ZNF558: variants seen among roughly 807,000 people sequenced by gnomAD.
The protein encoded by ZNF558 is zinc finger protein 558.
Under a neutral mutation model 37.6 loss-of-function variants are expected in ZNF558, and 23 were observed. That is an observed-to-expected ratio of 0.61 (90% CI 0.44 to 0.87). The LOEUF (loss-of-function observed/expected upper bound fraction) is 0.87. ZNF558 is among the 40% of genes least tolerant of loss of function. The pLI is 0.00. For missense variants in ZNF558, 429 were observed against 483.7 expected (o/e 0.89, Z 1.06); for synonymous variants, 189 against 174.4 (o/e 1.08, Z -0.66).
rs2043718838 is a variant in ZNF558 at position 8,808,221 on chromosome 19, T to C, written c.*3060A>G. On this transcript the variant is annotated 3_prime_UTR_variant, in exon 10 of 10. Coordinates refer to ENST00000601372, the MANE Select transcript of ZNF558 (RefSeq NM_144693.3). ...TACTCAGGAGGCTGAGGCAGGAGAA[T>C]TGCTGGAACCTGGGAGGCCAAGGTT... is the stretch of plus-strand genomic sequence containing the variant. 6.6e-6 allele frequency: 1 copy of C among 152,098 alleles called. No individual in the cohort carries two copies. Among genetic ancestry groups the C allele is most frequent in the African/African-American group, 2.4e-5 (1 of 41,402 alleles). The allele number at this position is 152,098 out of a possible 1,614,324, so 9.4% of individuals were successfully genotyped here.
In ZNF558 at chr19:8,810,969, T is replaced by G; in HGVS notation, c.*312A>C. ...ACAACCAACATCAACTTTCCAGGCATGTGAATAAGTCATCTTGGAAGTGGA... is the reference window on the plus strand; with the variant it reads ...ACAACCAACATCAACTTTCCAGGCAGGTGAATAAGTCATCTTGGAAGTGGA... On this transcript the variant is annotated 3_prime_UTR_variant, in exon 10 of 10. Transcript: ENST00000601372. 4.4e-6 allele frequency: 1 copy of G among 225,314 alleles called. No individual in the cohort carries two copies. Among genetic ancestry groups the G allele is most frequent in the Non-Finnish European group, 8.7e-6 (1 of 114,554 alleles). 14.0% of individuals were successfully genotyped at this position (225,314 alleles called of 1,614,324 possible).
chr19:8,827,819 C>T (rs1260272840), intron 2 of ZNF558, among the ~76,000 whole-genome samples: 1 of 152,022 alleles, frequency 6.6e-6, no homozygotes. Flanking sequence ...GGTGATCAGC[C>T]CACCTTGGTC....
At chr19:8,817,842 A>G (rs1239044344) in intron 7 of ZNF558, among the ~76,000 whole-genome samples, 1 of 152,238 alleles carries the variant, frequency 6.6e-6, no homozygotes, top group African/African-American at 2.4e-5. Context: ...TATGAAGTAA[A>G]AACTGGCATA....
chr19:8,832,875 C>T (rs914848683), upstream of ZNF558, among the ~76,000 whole-genome samples: 13 of 150,924 alleles, frequency 8.6e-5, no homozygotes, highest in Non-Finnish European at 1.3e-4. Context: ...AGATAAGCTC[C>T]GGGCCGGGCG....
At chr19:8,821,866 C>A in intron 6 of ZNF558, 137 bp downstream of exon 6, 1 of 1,521,138 alleles carries the variant, frequency 6.6e-7, no homozygotes, top group East Asian at 2.3e-5. Context: ...GCAGCCCTCA[C>A]CCTCCATCTG....
chr19:8,828,178 A>G (rs1315894372), intron 2 of ZNF558, among the ~76,000 whole-genome samples: 1 of 152,224 alleles, frequency 6.6e-6, no homozygotes, highest in African/African-American at 2.4e-5. Context: ...AAAAGTAAAT[A>G]TGGAACTTGT....
At chr19:8,817,624 C>T (rs867970028) in intron 7 of ZNF558, among the ~76,000 whole-genome samples, 9 of 151,586 alleles carry the variant, frequency 5.9e-5, no homozygotes, top group Admixed American at 2.0e-4. Context: ...ATCAAAGTTG[C>T]GGAGCATGTG....
chr19:8,833,779 A>G (rs982166902), upstream of ZNF558, among the ~76,000 whole-genome samples: 5 of 152,180 alleles, frequency 3.3e-5, no homozygotes, highest in African/African-American at 4.8e-5. Flanking sequence ...ACCTGAGGTC[A>G]GGAGTTCGAG....
intron 7 of ZNF558, among the ~76,000 whole-genome samples, chr19:8,820,189 G>A (rs938782259): frequency 6.6e-6 from 1 of 152,174 alleles, no homozygotes; most frequent in Admixed American, 6.5e-5. Flanking sequence ...GCGGGAACGT[G>A]CAATGGTGCA....
chr19:8,811,893 C>CT lies in ZNF558; in HGVS notation c.596dup (p.Arg200GlufsTer4). On this transcript the variant is annotated frameshift_variant, in exon 10 of 10. Transcript: ENST00000601372. LOFTEE classifies it high-confidence loss of function. ...AGGGTTTCTCCCCATTATGGATTCTCTTATGAATAGTAAGGTAAGATCTGC... is the reference window on the plus strand; with the variant it reads ...AGGGTTTCTCCCCATTATGGATTCTCTTTATGAATAGTAAGGTAAGATCTGC... 1 of 1,614,140 alleles carries CT rather than the reference C, an allele frequency of 6.2e-7. No homozygotes were observed. Among genetic ancestry groups the CT allele is most frequent in the Non-Finnish European group, 8.5e-7 (1 of 1,180,022 alleles).
intron 1 of ZNF558, 38 bp downstream of exon 1, chr19:8,832,171 C>T (rs1174821226): frequency 6.6e-6 from 1 of 152,190 alleles, no homozygotes; most frequent in Non-Finnish European, 1.5e-5. Context: ...CCCACGTCGC[C>T]CCCTGGACTC....
chr19:8,830,132 G>A (rs1422551540), intron 2 of ZNF558, among the ~76,000 whole-genome samples: 3 of 152,138 alleles, frequency 2.0e-5, no homozygotes, highest in Non-Finnish European at 4.4e-5. Context: ...TGGTTTAGAA[G>A]TTTGGCGTTT....
rs1336137439 is a variant in ZNF558, at chr19:8,806,415, C to G, written c.*4866G>C. 6.6e-6 allele frequency: 1 copy of G among 152,040 alleles called. No homozygotes were observed. Among genetic ancestry groups the G allele is most frequent in the Non-Finnish European group, 1.5e-5 (1 of 68,012 alleles). 9.4% of individuals were successfully genotyped at this position (152,040 alleles called of 1,614,324 possible). A position where few individuals can be genotyped will look rare whatever the true frequency, so the allele number is the denominator to read the frequency against. On this transcript the variant is annotated 3_prime_UTR_variant, in exon 10 of 10. Transcript: ENST00000601372. ...TCTCTCAGCTTAAAAAAATCCCTCCCAGGCCGGGCGTGGTGGCTCACGCCT... is the reference window on the plus strand; with the variant it reads ...TCTCTCAGCTTAAAAAAATCCCTCCGAGGCCGGGCGTGGTGGCTCACGCCT...
At chr19:8,830,212 G>GT (rs146201000) in intron 2 of ZNF558, among the ~76,000 whole-genome samples, 2,944 of 152,170 alleles carry the variant, frequency 0.019, 83 homozygotes, top group African/African-American at 0.068. Flanking sequence ...TGCCATGATC[G>GT]TAAGTTTCCT....
intron 7 of ZNF558, 133 bp from the exon 8 acceptor site, chr19:8,813,355 TTTTC>T (rs2043846047): frequency 3.0e-6 from 2 of 673,662 alleles, no homozygotes; most frequent in Non-Finnish European, 5.1e-6. Context: ...GCCTTAATTC[TTTTC>T]TTTTTTTTAT....
At position 8,822,016 on chromosome 19, in the gene ZNF558, G is replaced by C; in HGVS notation, c.107C>G (p.Thr36Arg). Residue 36 changes from threonine (T) to arginine (R), a missense_variant, in exon 6 of 10, where the codon ACA (threonine) becomes AGA (arginine). Thr to Arg is a moderately conservative substitution (Grantham distance 71). Transcript: ENST00000601372. This position sits in a 1 kb window ranked among gnomAD's most constrained non-coding sequence, Gnocchi z 4.4. ...QGGELVNELLTSWLRGLVTFE... is the reference protein window; with the variant it reads ...QGGELVNELLRSWLRGLVTFE... The stretch of plus-strand genomic sequence containing the variant: ...CATCTGACTCACCCGTAGCCAGCTT[G>C]TCAGGAGCTCATTAACCAGCTCTCC... The C allele has an allele frequency of 6.2e-7, 1 of 1,614,012 alleles. No individual in the cohort carries two copies. Among genetic ancestry groups the C allele is most frequent in the Non-Finnish European group, 8.5e-7 (1 of 1,179,940 alleles).
rs1162728309 is a variant in ZNF558, at chr19:8,810,860, C to G, written c.*421G>C. The G allele has an allele frequency of 6.1e-6, 1 of 163,832 alleles. No homozygotes were observed. The highest frequency in any genetic ancestry group is 5.8e-5 in the Admixed American group (1 of 17,234). 10.1% of individuals were successfully genotyped at this position (163,832 alleles called of 1,614,324 possible). On this transcript the variant is annotated 3_prime_UTR_variant, in exon 10 of 10. Transcript: ENST00000601372. Reference sequence around the variant, plus strand: ...ATTGGTCCTCTCTTGGATCACTAACCTTGGCGAGAACTTATTGCCAAATTG... The same window carrying G: ...ATTGGTCCTCTCTTGGATCACTAACGTTGGCGAGAACTTATTGCCAAATTG...
intron 2 of ZNF558, among the ~76,000 whole-genome samples, chr19:8,825,425 C>T (rs1403626708): frequency 1.3e-5 from 2 of 151,194 alleles, no homozygotes; most frequent in African/African-American, 4.9e-5. Context: ...AACATGTAGC[C>T]AGGAAAAAAA....
At chr19:8,836,471 C>T (rs1052730858), upstream of ZNF558, among the ~76,000 whole-genome samples, 5 of 149,870 alleles carry the variant, frequency 3.3e-5, no homozygotes, top group African/African-American at 4.9e-5. Flanking sequence ...TCCTCCCCCC[C>T]TCTCCTCCTC....
Sources: allele counts gnomAD v4.1 joint callset (sites outside exome capture counted in the v4.1 genomes callset), GRCh38; gene constraint gnomAD v4.1.1; non-coding constraint Gnocchi (gnomAD v3.1); transcripts MANE v1.5; gene names NCBI Gene and HGNC (gene_info 2026-07-23, HGNC 2026-07-21).